Variants in DLG1 observed in about 807,000 individuals in gnomAD.
DLG1 encodes disks large homolog 1.
Under a neutral mutation model 123.4 loss-of-function variants are expected in DLG1, and 42 were observed. That is an observed-to-expected ratio of 0.34 (90% confidence interval 0.27 to 0.44). The LOEUF (loss-of-function observed/expected upper bound fraction) is 0.44. Ranked by LOEUF, DLG1 falls within the 20% of genes least tolerant of loss-of-function variation. The pLI, the probability that DLG1 is intolerant of heterozygous loss-of-function variation, is 1.00. For missense variants in DLG1, 942 were observed against 1,082.6 expected (o/e 0.87, Z 1.82); for synonymous variants, 317 against 356.2 (o/e 0.89, Z 1.24).
At chr3:197,147,800 C>T (rs1791683983) in intron 6 of DLG1, among the ~76,000 whole-genome samples, 2 of 150,554 alleles carry the variant, frequency 1.3e-5, no homozygotes, top group Non-Finnish European at 3.0e-5. Flanking sequence ...CACCCGCTCC[C>T]TAAAAACTTA....
At chr3:197,049,323 ACAAT>A (rs763009727) in intron 24 of DLG1, among the ~76,000 whole-genome samples, 9 of 131,590 alleles carry the variant, frequency 6.8e-5, no homozygotes, top group Non-Finnish European at 1.0e-4. Context: ...TCAAAACAAA[ACAAT>A]AAAAAACAAA....
chr3:197,160,765 T>C (rs1256162493), intron 5 of DLG1, among the ~76,000 whole-genome samples: 10 of 152,140 alleles, frequency 6.6e-5, no homozygotes, highest in Admixed American at 4.6e-4. Context: ...TATCATTTTT[T>C]CCCCAATGGA....
chr3:197,144,502 G>GA (rs1200502732), intron 6 of DLG1, among the ~76,000 whole-genome samples: 2 of 152,104 alleles, frequency 1.3e-5, no homozygotes, highest in Non-Finnish European at 2.9e-5. Flanking sequence ...TTCATTATGA[G>GA]AAAAAATGAA....
chr3:197,239,386 T>C (rs984851551), intron 4 of DLG1, among the ~76,000 whole-genome samples: 1 of 152,204 alleles, frequency 6.6e-6, no homozygotes, highest in African/African-American at 2.4e-5. Context: ...TGGTGAATTC[T>C]GCCAACCATT....
chr3:197,183,157 G>C (rs1216306496), intron 5 of DLG1, among the ~76,000 whole-genome samples: 1 of 152,092 alleles, frequency 6.6e-6, no homozygotes, highest in African/African-American at 2.4e-5. Context: ...ATATTTCAAA[G>C]TATCTTCTGT....
chr3:197,269,135 GTAGA>G (rs1391381705), intron 4 of DLG1, among the ~76,000 whole-genome samples: 2 of 152,160 alleles, frequency 1.3e-5, no homozygotes, highest in Admixed American at 6.5e-5. Flanking sequence ...TAAAAGTACA[GTAGA>G]TAAACTAGTA....
intron 4 of DLG1, among the ~76,000 whole-genome samples, chr3:197,224,313 A>G (rs1738658962): frequency 6.6e-6 from 1 of 152,176 alleles, no homozygotes; most frequent in East Asian, 1.9e-4. Context: ...TACTTCTTAA[A>G]ACCTTTTATA....
intron 3 of DLG1, among the ~76,000 whole-genome samples, chr3:197,295,111 T>C (rs969825500): frequency 4.6e-5 from 7 of 152,198 alleles, no homozygotes; most frequent in Non-Finnish European, 1.0e-4. Context: ...TGTCCATCAA[T>C]GTAAACAAAA....
At chr3:197,207,093 G>A (rs867349050) in intron 4 of DLG1, among the ~76,000 whole-genome samples, 1 of 152,320 alleles carries the variant, frequency 6.6e-6, no homozygotes, top group South Asian at 2.1e-4. Flanking sequence ...TGCGGTGGCG[G>A]AGCTGGGAAG....
At chr3:197,080,742 G>C (rs534758624) in intron 17 of DLG1, 4 of 195,378 alleles carry the variant, frequency 2.0e-5, no homozygotes, top group Non-Finnish European at 4.2e-5. Context: ...GATTACAGGC[G>C]TGAGCCACCA....
At chr3:197,219,930 C>T (rs572816341) in intron 4 of DLG1, among the ~76,000 whole-genome samples, 1 of 152,174 alleles carries the variant, frequency 6.6e-6, no homozygotes, top group East Asian at 1.9e-4. Flanking sequence ...TCTAAGCCAA[C>T]CAATAAATCT....
chr3:197,076,261 G>T (rs1028751786), intron 18 of DLG1, among the ~76,000 whole-genome samples: 2 of 152,136 alleles, frequency 1.3e-5, no homozygotes, highest in African/African-American at 4.8e-5. Flanking sequence ...ATGTATTCAT[G>T]TTCTTCCTCT....
chr3:197,244,454 G>C (rs537523951), intron 4 of DLG1, among the ~76,000 whole-genome samples: 1 of 152,032 alleles, frequency 6.6e-6, no homozygotes, highest in Non-Finnish European at 1.5e-5. Context: ...TTTGCATCTC[G>C]GTACCCTGTT....
At chr3:197,154,292 ACT>A (rs1426934301) in intron 5 of DLG1, among the ~76,000 whole-genome samples, 1 of 151,964 alleles carries the variant, frequency 6.6e-6, no homozygotes, top group African/African-American at 2.4e-5. Flanking sequence ...ACAGAGCAAG[ACT>A]CTGTCAAAAA....
intron 15 of DLG1, among the ~76,000 whole-genome samples, 174 bp downstream of exon 15, chr3:197,090,738 T>C (rs1164822825): frequency 6.6e-6 from 1 of 152,060 alleles, no homozygotes; most frequent in Non-Finnish European, 1.5e-5. Flanking sequence ...ATTAATACAA[T>C]AATATTCCAA....
chr3:197,279,406 T>C (rs1768071911), intron 4 of DLG1, among the ~76,000 whole-genome samples: 1 of 152,200 alleles, frequency 6.6e-6, no homozygotes, highest in Non-Finnish European at 1.5e-5. Context: ...ATACAGGTTT[T>C]TGCTACTTTT....
chr3:197,092,695 A>G (rs1758426064), intron 14 of DLG1, among the ~76,000 whole-genome samples: 1 of 151,944 alleles, frequency 6.6e-6, no homozygotes, highest in Admixed American at 6.6e-5. Context: ...TAGAGATGGC[A>G]TCTTGCTGTG....
chr3:197,279,821 C>A (rs1474247294), intron 4 of DLG1, among the ~76,000 whole-genome samples: 1 of 152,128 alleles, frequency 6.6e-6, no homozygotes, highest in East Asian at 1.9e-4. Flanking sequence ...ACAAAACTGT[C>A]CACTTTTCCA....
At chr3:197,249,006 T>A (rs1210370523) in intron 4 of DLG1, among the ~76,000 whole-genome samples, 3 of 151,752 alleles carry the variant, frequency 2.0e-5, no homozygotes, top group African/African-American at 7.3e-5. Flanking sequence ...TGAGAAAGAC[T>A]TCAAAGAAAT....
Sources: gnomAD v4.1 joint callset for allele counts (sites outside exome capture counted in the v4.1 genomes callset) on GRCh38, gnomAD v4.1.1 for gene constraint, MANE v1.5 for transcripts, NCBI Gene and HGNC (gene_info 2026-07-23, HGNC 2026-07-21) for gene names.